GASK1B: variants seen among roughly 807,000 people sequenced by gnomAD.
The protein encoded by GASK1B is golgi associated kinase 1B.
In GASK1B, 34 loss-of-function variants were observed where a neutral mutation model predicts 42.8. That is an observed-to-expected ratio of 0.79 (90% CI 0.60 to 1.06). The LOEUF (loss-of-function observed/expected upper bound fraction) is 1.06. Ranked by LOEUF, GASK1B falls within the 50% of genes least tolerant of loss-of-function variation. GASK1B has a pLI of 0.00. For missense variants in GASK1B, 686 were observed against 661.0 expected, an observed-to-expected ratio of 1.04 and a Z score of -0.42; for synonymous variants, 262 against 259.1, an observed-to-expected ratio of 1.01 and a Z score of -0.11.
At chr4:158,170,403 GA>G (rs1732429272) in intron 2 of GASK1B, 62 bp downstream of exon 2, 1 of 1,613,854 alleles carries the variant, frequency 6.2e-7, no homozygotes, top group East Asian at 2.2e-5. Flanking sequence ...GAGAGTGAGG[GA>G]AAAAAGAAAA....
chr4:158,130,747 A>G (rs1259811986), intron 4 of GASK1B, 39 bp downstream of exon 4: 4 of 1,465,540 alleles, frequency 2.7e-6, no homozygotes, highest in Non-Finnish European at 3.8e-6. Flanking sequence ...CTTATCTAAC[A>G]TAAATGTGAT....
At chr4:158,142,557 G>T (rs1731177551) in intron 3 of GASK1B, among the ~76,000 whole-genome samples, 1 of 152,146 alleles carries the variant, frequency 6.6e-6, no homozygotes, top group African/African-American at 2.4e-5. Context: ...TCTCTTTAAA[G>T]AAGTAGTCTA....
chr4:158,153,707 T>C (rs1453549241), intron 3 of GASK1B, among the ~76,000 whole-genome samples: 2 of 152,010 alleles, frequency 1.3e-5, no homozygotes, highest in Admixed American at 6.6e-5. Flanking sequence ...AGTCAAATAC[T>C]TACAGCCAAC....
Position 158,171,094 on chromosome 4 carries a change from C to T in GASK1B, c.282G>A (p.Glu94=). Residue 94 remains glutamate (E), a synonymous_variant, in exon 2 of 5, where the codon GAG becomes GAA. Transcript: ENST00000585682. ...GCAGAGTGGACCCATTGCCCTGGGA[C>T]TCTGGAGGGGCCAGGGTACCATCCA... is the stretch of plus-strand genomic sequence containing the variant. ...IPLDGTLAPP[E]SQGNGSTLQP... 1 of 1,609,768 alleles carries T rather than the reference C, an allele frequency of 6.2e-7. No individual in the cohort carries two copies. Among genetic ancestry groups the T allele is most frequent in the Non-Finnish European group, 8.5e-7 (1 of 1,176,642 alleles).
intron 2 of GASK1B, chr4:158,167,083 G>C (rs1250667697): frequency 6.6e-6 from 1 of 151,992 alleles, no homozygotes; most frequent in East Asian, 1.9e-4. Flanking sequence ...TTGCAACACA[G>C]ACTAACCACT....
chr4:158,138,549 T>C (rs901617238), intron 3 of GASK1B, among the ~76,000 whole-genome samples: 5 of 152,174 alleles, frequency 3.3e-5, no homozygotes, highest in Admixed American at 2.0e-4. Context: ...CATGTTCATT[T>C]ATATCTGAAG....
chr4:158,151,950 C>T (rs924556784), intron 3 of GASK1B, among the ~76,000 whole-genome samples: 3 of 152,106 alleles, frequency 2.0e-5, no homozygotes, highest in Non-Finnish European at 2.9e-5. Context: ...TGGGTGGGCA[C>T]CGTCTAATTA....
At chr4:158,136,461 G>T (rs1730896673) in intron 3 of GASK1B, among the ~76,000 whole-genome samples, 1 of 152,148 alleles carries the variant, frequency 6.6e-6, no homozygotes, top group Admixed American at 6.5e-5. Flanking sequence ...AGGCAAGTGG[G>T]TAGGGCATCA....
intron 3 of GASK1B, among the ~76,000 whole-genome samples, chr4:158,135,720 G>C (rs1378081238): frequency 1.3e-5 from 2 of 151,986 alleles, no homozygotes; most frequent in Non-Finnish European, 2.9e-5. Flanking sequence ...CATTTGTGTA[G>C]AACGTTAAAT....
intron 3 of GASK1B, among the ~76,000 whole-genome samples, chr4:158,151,185 A>G (rs1731542380): frequency 6.6e-6 from 1 of 152,230 alleles, no homozygotes; most frequent in African/African-American, 2.4e-5. Flanking sequence ...TCAAAGGGAG[A>G]AAAGAGTCAT....
chr4:158,137,723 C>T, intron 3 of GASK1B, among the ~76,000 whole-genome samples: 1 of 152,096 alleles, frequency 6.6e-6, no homozygotes, highest in South Asian at 2.1e-4. Context: ...GTATTCCCCC[C>T]TGCTCCACCC....
chr4:158,161,000 C>T (rs1731968450), intron 2 of GASK1B, among the ~76,000 whole-genome samples: 1 of 151,790 alleles, frequency 6.6e-6, no homozygotes, highest in South Asian at 2.1e-4. Flanking sequence ...TACAAAGTTT[C>T]GGTTAGACAG....
intron 3 of GASK1B, among the ~76,000 whole-genome samples, chr4:158,141,761 C>T (rs1179813531): frequency 1.3e-5 from 2 of 150,312 alleles, no homozygotes; most frequent in African/African-American, 4.9e-5. Context: ...CGCCCACCAC[C>T]ACGCCAGACT....
chr4:158,159,085 A>G (rs1006442747), intron 2 of GASK1B, among the ~76,000 whole-genome samples: 2 of 152,116 alleles, frequency 1.3e-5, no homozygotes, highest in Non-Finnish European at 2.9e-5. Flanking sequence ...TGATAAGTAT[A>G]ATTGGTTTTC....
chr4:158,161,131 G>T (rs997082663), intron 2 of GASK1B, among the ~76,000 whole-genome samples: 1 of 151,780 alleles, frequency 6.6e-6, no homozygotes, highest in Middle Eastern at 3.2e-3. Context: ...ATCATCCTAT[G>T]ATTTGAAGAA....
chr4:158,172,418 T>TAAGTAGAA (rs1232259724), intron 1 of GASK1B: 6 of 152,236 alleles, frequency 3.9e-5, no homozygotes, highest in African/African-American at 4.8e-5. Context: ...CTGAGGCATG[T>TAAGTAGAA]AAGTAGAACA....
chr4:158,170,124 T>C (rs1732410419), intron 2 of GASK1B: 3 of 1,051,278 alleles, frequency 2.9e-6, no homozygotes. Context: ...GCAAGTTCTT[T>C]GCCTCCAGCC....
At position 158,125,299 on chromosome 4, in the gene GASK1B, G is replaced by C. The variant is rs546652874; in HGVS notation, c.*2108C>G. ...ATAAACAAAGTTAAACCCTCACGTG[G>C]GAAGACCAGGCTGCCCAACAGCATT... is the stretch of plus-strand genomic sequence containing the variant. On this transcript the variant is annotated 3_prime_UTR_variant, in exon 5 of 5. Transcript: ENST00000585682. 12 of 152,230 alleles carry C rather than the reference G, an allele frequency of 7.9e-5. No individual in the cohort carries two copies. Among genetic ancestry groups the C allele is most frequent in the African/African-American group, 2.9e-4 (12 of 41,552 alleles). 9.4% of individuals were successfully genotyped at this position (152,230 alleles called of 1,614,324 possible).
intron 4 of GASK1B, among the ~76,000 whole-genome samples, chr4:158,129,820 G>C (rs926136433): frequency 1.5e-4 from 23 of 152,158 alleles, no homozygotes; most frequent in African/African-American, 5.1e-4. Flanking sequence ...CAGTCTCTTA[G>C]TCAATCTGAT....
Sources: gnomAD v4.1 joint callset for allele counts (sites outside exome capture counted in the v4.1 genomes callset) on GRCh38, gnomAD v4.1.1 for gene constraint, MANE v1.5 for transcripts, NCBI Gene and HGNC (gene_info 2026-07-23, HGNC 2026-07-21) for gene names.